MKLN1: variants seen among roughly 807,000 people sequenced by gnomAD.
The protein encoded by MKLN1 is muskelin 1.
In MKLN1, 18 loss-of-function variants were observed where a neutral mutation model predicts 99.0. The observed-to-expected ratio is 0.18, with a 90% CI of 0.13 to 0.27. MKLN1 has a LOEUF of 0.27. Among genes scored for constraint, MKLN1 ranks in the 10% least tolerant of loss-of-function variants. The pLI, the probability that MKLN1 is intolerant of heterozygous loss-of-function variation, is 1.00. For synonymous variants in MKLN1, 288 were observed against 293.2 expected, an observed-to-expected ratio of 0.98 and a Z score of 0.18; for missense variants, 621 against 875.9, an observed-to-expected ratio of 0.71 and a Z score of 3.67.
At chr7:131,295,852 T>C (rs1798282969) in intron 3 of MKLN1, among the ~76,000 whole-genome samples, 1 of 140,844 alleles carries the variant, frequency 7.1e-6, no homozygotes, top group Non-Finnish European at 1.5e-5. Flanking sequence ...ACTACTGCAC[T>C]CCAGCCTGGG....
intron 3 of MKLN1, among the ~76,000 whole-genome samples, chr7:131,228,302 A>G (rs922883768): frequency 1.3e-5 from 2 of 152,170 alleles, no homozygotes; most frequent in Admixed American, 6.5e-5. Context: ...TTCTTATCAG[A>G]ACATTCTGAT....
chr7:131,397,140 T>C lies in MKLN1; in HGVS notation c.401-127T>C, dbSNP rs182724174. ...TGTAGCCTTAGCACCATGCTAGTCA[T>C]ATAAAAGATGCCCAGAAAATTCGTT... is the stretch of plus-strand genomic sequence containing the variant. On this transcript the variant is annotated intron_variant, in intron 4 of 17. Coordinates refer to ENST00000352689, the MANE Select transcript of MKLN1 (RefSeq NM_013255.5). 35 of 622,348 alleles carry C rather than the reference T, an allele frequency of 5.6e-5. No homozygotes were observed. The East Asian group carries it at 9.7e-4, about 17-fold the overall frequency. The allele number at this position is 622,348 out of a possible 1,614,324, so 38.6% of individuals were successfully genotyped here.
At chr7:131,173,740 C>G (rs918602976) in intron 2 of MKLN1, among the ~76,000 whole-genome samples, 1 of 151,940 alleles carries the variant, frequency 6.6e-6, no homozygotes, top group African/African-American at 2.4e-5. Flanking sequence ...AACACACACA[C>G]AGAGAAACAT....
chr7:131,362,028 G>A (rs1012965951), intron 1 of MKLN1, among the ~76,000 whole-genome samples: 8 of 151,966 alleles, frequency 5.3e-5, no homozygotes, highest in African/African-American at 1.2e-4. Flanking sequence ...TGTTAACTAT[G>A]CCTTTAAACT....
intron 12 of MKLN1, among the ~76,000 whole-genome samples, chr7:131,454,242 C>T (rs1042453060): frequency 2.6e-5 from 4 of 152,056 alleles, no homozygotes; most frequent in African/African-American, 4.8e-5. Context: ...AATCTGAAGA[C>T]GGATTGACCA....
At chr7:131,225,627 A>T (rs1169259348) in intron 3 of MKLN1, among the ~76,000 whole-genome samples, 1 of 152,194 alleles carries the variant, frequency 6.6e-6, no homozygotes, top group Non-Finnish European at 1.5e-5. Context: ...TAAGACCCAG[A>T]TCAGGGCATG....
At chr7:131,252,852 G>A (rs184611228) in intron 3 of MKLN1, among the ~76,000 whole-genome samples, 3 of 152,226 alleles carry the variant, frequency 2.0e-5, no homozygotes, top group Admixed American at 2.0e-4. Context: ...TTTTTATTTG[G>A]CCAGAGGGTA....
In MKLN1 at chr7:131,493,313, C is replaced by G. The variant is rs1256819710; in HGVS notation, c.*5585C>G. 1 of 152,124 alleles carries G rather than the reference C, an allele frequency of 6.6e-6. No individual in the cohort carries two copies. The highest frequency in any genetic ancestry group is 1.5e-5 in the Non-Finnish European group (1 of 68,034). The allele number at this position is 152,124 out of a possible 1,614,324, so 9.4% of individuals were successfully genotyped here. Reference sequence around the variant, plus strand: ...ATTTTGACTTGGAAGTATTAAACTTCAGGAACGAGCTAGAGAAGACAATGA... The same window carrying G: ...ATTTTGACTTGGAAGTATTAAACTTGAGGAACGAGCTAGAGAAGACAATGA... On this transcript the variant is annotated 3_prime_UTR_variant, in exon 18 of 18. Coordinates refer to ENST00000352689, the MANE Select transcript of MKLN1 (RefSeq NM_013255.5).
At chr7:131,383,882 T>G (rs1793924471) in intron 2 of MKLN1, among the ~76,000 whole-genome samples, 1 of 152,250 alleles carries the variant, frequency 6.6e-6, no homozygotes, top group Non-Finnish European at 1.5e-5. Flanking sequence ...GAGTTTATTG[T>G]GACAGCATCC....
intron 3 of MKLN1, among the ~76,000 whole-genome samples, chr7:131,273,898 G>A (rs1451318193): frequency 2.6e-5 from 4 of 151,996 alleles, no homozygotes; most frequent in East Asian, 1.9e-4. Flanking sequence ...GAGCCACCGC[G>A]CCCAGCCTGA....
intron 2 of MKLN1, among the ~76,000 whole-genome samples, chr7:131,196,443 C>A (rs1246383263): frequency 1.3e-5 from 2 of 152,282 alleles, no homozygotes; most frequent in South Asian, 2.1e-4. Flanking sequence ...GCTGAACAAC[C>A]TTTTTAGGCC....
intron 3 of MKLN1, among the ~76,000 whole-genome samples, chr7:131,280,001 A>G (rs1028691412): frequency 6.6e-6 from 1 of 152,034 alleles, no homozygotes; most frequent in East Asian, 1.9e-4. Flanking sequence ...GCAACCACTA[A>G]TCTACTTGCT....
intron 1 of MKLN1, among the ~76,000 whole-genome samples, chr7:131,369,957 C>T (rs1052079685): frequency 1.3e-5 from 2 of 152,176 alleles, no homozygotes; most frequent in Admixed American, 6.5e-5. Context: ...CTGCCTCAGC[C>T]TCCCAGGTAG....
chr7:131,369,705 A>T (rs997423718), intron 1 of MKLN1, among the ~76,000 whole-genome samples: 1 of 152,198 alleles, frequency 6.6e-6, no homozygotes, highest in Non-Finnish European at 1.5e-5. Context: ...TGAAAGTTTT[A>T]ATATAATCAA....
At chr7:131,400,003 G>C (rs927019889) in intron 6 of MKLN1, among the ~76,000 whole-genome samples, 1 of 151,924 alleles carries the variant, frequency 6.6e-6, no homozygotes, top group Non-Finnish European at 1.5e-5. Context: ...TTTAAGGTCT[G>C]ATGTGTTTTG....
At chr7:131,183,067 T>C (rs952346596) in intron 2 of MKLN1, among the ~76,000 whole-genome samples, 1 of 152,192 alleles carries the variant, frequency 6.6e-6, no homozygotes, top group Non-Finnish European at 1.5e-5. Context: ...TTGCTACTCA[T>C]ATAAAGTGAA....
At chr7:131,191,347 C>T (rs1485495404) in intron 2 of MKLN1, among the ~76,000 whole-genome samples, 1 of 152,158 alleles carries the variant, frequency 6.6e-6, no homozygotes, top group African/African-American at 2.4e-5. Context: ...GAAACTCTTG[C>T]ATCAAGCCGG....
At chr7:131,137,294 A>T (rs1415491735) in intron 1 of MKLN1, among the ~76,000 whole-genome samples, 1 of 152,224 alleles carries the variant, frequency 6.6e-6, no homozygotes, top group East Asian at 1.9e-4. Flanking sequence ...GTTACCCCCC[A>T]AATTGAAGCT....
At chr7:131,148,161 G>A (rs1439684206) in intron 2 of MKLN1, among the ~76,000 whole-genome samples, 4 of 151,938 alleles carry the variant, frequency 2.6e-5, no homozygotes, top group African/African-American at 7.3e-5. Context: ...TCATCCTCCC[G>A]CCTCAGCTTC....
Sources: gnomAD v4.1 joint callset for allele counts (sites outside exome capture counted in the v4.1 genomes callset) on GRCh38, gnomAD v4.1.1 for gene constraint, MANE v1.5 for transcripts, NCBI Gene and HGNC (gene_info 2026-07-23, HGNC 2026-07-21) for gene names.